The following VPS53 variants were observed in gnomAD, a reference collection of about 807,000 sequenced individuals.
The protein encoded by VPS53 is VPS53 subunit of GARP complex, also known as vacuolar protein sorting-associated protein 53 homolog.
Under a neutral mutation model 107.0 loss-of-function variants are expected in VPS53, and 70 were observed. That is an observed-to-expected ratio of 0.65 (90% CI 0.54 to 0.80). VPS53 has a LOEUF of 0.80. Among genes scored for constraint, VPS53 ranks in the 30% least tolerant of loss-of-function variants. The probability of loss-of-function intolerance (pLI) is 0.00; values close to 1 mark genes in which losing one functional copy is unlikely to be tolerated. For missense variants in VPS53, 917 were observed against 1,049.4 expected (o/e 0.87, Z 1.74); for synonymous variants, 409 against 393.3 (o/e 1.04, Z -0.47).
intron 3 of VPS53, 35 bp downstream of exon 3, chr17:699,296 T>A: frequency 2.0e-6 from 3 of 1,479,848 alleles, no homozygotes; most frequent in Non-Finnish European, 2.7e-6. Flanking sequence ...AATATACTTT[T>A]CATTAATTAT....
chr17:511,928 C>T lies in VPS53; in HGVS notation c.*7200G>A, dbSNP rs1289766372. 6.6e-6 allele frequency: 1 copy of T among 152,194 alleles called. No homozygotes were observed. Among genetic ancestry groups the T allele is most frequent in the Non-Finnish European group, 1.5e-5 (1 of 68,050 alleles). The allele number at this position is 152,194 out of a possible 1,614,324, so 9.4% of individuals were successfully genotyped here. ...GCAATTCGCATTCACAGGAGACATG[C>T]CCTATTTTCCACAACAGGCAGCCTC... On this transcript the variant is annotated 3_prime_UTR_variant, in exon 22 of 22. Transcript: ENST00000437048.
intron 19 of VPS53, among the ~76,000 whole-genome samples, chr17:530,784 A>G (rs539323330): frequency 1.8e-4 from 28 of 152,328 alleles, no homozygotes; most frequent in African/African-American, 6.3e-4. Context: ...AGCATGATCA[A>G]TATTGGTGTG....
chr17:698,364 T>G lies in VPS53; in HGVS notation c.219-880A>C, dbSNP rs1286718955. Among the ~76,000 whole-genome samples the G allele has an allele frequency of 3.5e-5, 5 of 144,482 alleles. No homozygotes were observed. The East Asian group carries it at 6.0e-4, about 17-fold the overall frequency. The allele number at this position is 144,482 out of a possible 152,430, so 94.8% of individuals were successfully genotyped here. ...TCAAGAATTGCTCGAACCTGGGAGG[T>G]GGAGATTACAGTAAGCCAAGATCAC... On this transcript the variant is annotated intron_variant, in intron 3 of 21. Coordinates refer to ENST00000437048, the MANE Select transcript of VPS53 (RefSeq NM_001128159.3).
At chr17:694,587 T>A (rs1365935128) in intron 4 of VPS53, among the ~76,000 whole-genome samples, 2 of 152,232 alleles carry the variant, frequency 1.3e-5, no homozygotes, top group Non-Finnish European at 2.9e-5. Context: ...AGTGTTACTA[T>A]TCCCAGTAGC....
chr17:707,170 T>A (rs894316877), intron 2 of VPS53, among the ~76,000 whole-genome samples: 1 of 152,096 alleles, frequency 6.6e-6, no homozygotes, highest in African/African-American at 2.4e-5. Context: ...TTAAAATTGG[T>A]ACTCACATAT....
Position 519,979 on chromosome 17 carries a change from C to A in VPS53, c.2224-49G>T, listed in dbSNP as rs552991891. The stretch of plus-strand genomic sequence containing the variant: ...AAGCCCCTCAGGAAAACTACCACCA[C>A]GGGAGGAGACAGGAGCGGGCCCTCA... On this transcript the variant is annotated intron_variant, in intron 20 of 21. Coordinates refer to ENST00000437048, the MANE Select transcript of VPS53 (RefSeq NM_001128159.3). This position sits in a 1 kb window ranked among gnomAD's most constrained non-coding sequence, Gnocchi z 5.0. The A allele has an allele frequency of 7.5e-7, 1 of 1,341,292 alleles. No homozygotes were observed. The highest frequency in any genetic ancestry group is 1.5e-5 in the African/African-American group (1 of 68,922). The allele number at this position is 1,341,292 out of a possible 1,614,324, so 83.1% of individuals were successfully genotyped here.
chr17:706,267 G>A (rs1456737386), intron 2 of VPS53, among the ~76,000 whole-genome samples: 3 of 152,006 alleles, frequency 2.0e-5, no homozygotes, highest in Non-Finnish European at 2.9e-5. Flanking sequence ...GGCCAGGCGT[G>A]GTGGCTCACG....
At position 585,161 on chromosome 17, in the gene VPS53, C is replaced by T. The variant is rs539794037; in HGVS notation, c.1313+1109G>A. Among the ~76,000 whole-genome samples, 10 of 152,274 alleles carry T rather than the reference C, an allele frequency of 6.6e-5. No individual in the cohort carries two copies. The South Asian group carries it at 2.1e-3, about 32-fold the overall frequency. On this transcript the variant is annotated intron_variant, in intron 13 of 21. Coordinates refer to ENST00000437048, the MANE Select transcript of VPS53 (RefSeq NM_001128159.3). ...TCACATTGAAGACAGTTGGCAGGTACCACCTAAAGCAAGTAATCGAAGTCC... is the reference window on the plus strand; with the variant it reads ...TCACATTGAAGACAGTTGGCAGGTATCACCTAAAGCAAGTAATCGAAGTCC...
chr17:652,610 G>C (rs1455662949), intron 7 of VPS53, among the ~76,000 whole-genome samples: 1 of 152,230 alleles, frequency 6.6e-6, no homozygotes, highest in East Asian at 1.9e-4. Context: ...CAAGGAGCCA[G>C]CCATGAGAGT....
Position 532,873 on chromosome 17 carries a change from C to T in VPS53, c.2054G>A (p.Cys685Tyr). 2.5e-6 allele frequency: 4 copies of T among 1,614,062 alleles called. No homozygotes were observed. The highest frequency in any genetic ancestry group is 3.4e-6 in the Non-Finnish European group (4 of 1,179,986). ...TGCTCCCACCATGCTAATTGGCTTG[C>T]ACTTGAAGAGGTGGGTGATGAATTT... ...IPKFITHLFK[C>Y]KPISMVGAEQ... The change falls in exon 19 of 22, where the codon TGC (cysteine) becomes TAC (tyrosine). Residue 685 changes from cysteine (C) to tyrosine (Y), a missense_variant. Coordinates refer to ENST00000437048, the MANE Select transcript of VPS53 (RefSeq NM_001128159.3).
intron 7 of VPS53, among the ~76,000 whole-genome samples, chr17:652,943 T>A (rs1427693656): frequency 6.6e-6 from 1 of 152,208 alleles, no homozygotes; most frequent in Non-Finnish European, 1.5e-5. Context: ...CTTCACACAC[T>A]AAGACTCTGC....
At position 508,999 on chromosome 17, in the gene VPS53, A is replaced by G. The variant is rs989432504; in HGVS notation, c.*10129T>C. ...GTAAAATTTTGTCCCATAAATTTGA[A>G]AACTGCTGGTGAAGTACAAAAGGCA... is the stretch of plus-strand genomic sequence containing the variant. On this transcript the variant is annotated 3_prime_UTR_variant, in exon 22 of 22. Transcript: ENST00000437048. 2.0e-5 allele frequency: 3 copies of G among 152,186 alleles called. No homozygotes were observed. The highest frequency in any genetic ancestry group is 1.9e-4 in the East Asian group (1 of 5,196). The allele number at this position is 152,186 out of a possible 1,614,324, so 9.4% of individuals were successfully genotyped here. A position where few individuals can be genotyped will look rare whatever the true frequency, so the allele number is the denominator to read the frequency against.
At position 714,807 on chromosome 17, in the gene VPS53, CCTGGTGAG is replaced by C. The variant is rs1973791793; in HGVS notation, c.-106_-99del. Reference sequence around the variant, plus strand: ...CACAGCAACTCCCTCGCGGCAGCGACCTGGTGAGCCCGGCTCCGTCAGCCGCTCTGTCA... The same window carrying C: ...CACAGCAACTCCCTCGCGGCAGCGACCCCGGCTCCGTCAGCCGCTCTGTCA... On this transcript the variant is annotated 5_prime_UTR_variant, in exon 1 of 22. Coordinates refer to ENST00000437048, the MANE Select transcript of VPS53 (RefSeq NM_001128159.3). 2.2e-6 allele frequency: 3 copies of C among 1,354,080 alleles called. No homozygotes were observed. In the East Asian group the frequency reaches 6.9e-5, roughly 31 times the overall value. The allele number at this position is 1,354,080 out of a possible 1,614,324, so 83.9% of individuals were successfully genotyped here. A position where few individuals can be genotyped will look rare whatever the true frequency, so the allele number is the denominator to read the frequency against.
intron 2 of VPS53, among the ~76,000 whole-genome samples, chr17:703,063 C>G (rs1190685888): frequency 6.6e-6 from 1 of 152,080 alleles, no homozygotes; most frequent in East Asian, 1.9e-4. Flanking sequence ...CAAAAAACTA[C>G]CTGGGCTTGC....
intron 7 of VPS53, 32 bp downstream of exon 7, chr17:653,259 C>T: frequency 1.9e-6 from 3 of 1,600,812 alleles, no homozygotes; most frequent in South Asian, 2.3e-5. Flanking sequence ...TCTGCGGAAT[C>T]CCCATATACT....
intron 4 of VPS53, among the ~76,000 whole-genome samples, chr17:677,739 TAAA>T (rs369443528): frequency 0.016 from 2,366 of 152,160 alleles, 24 homozygotes; most frequent in Middle Eastern, 0.031. Context: ...TATAGCCATA[TAAA>T]AAATTGAAAA....
chr17:619,667 T>C (rs12950753), intron 11 of VPS53, among the ~76,000 whole-genome samples: 3 of 48,172 alleles, frequency 6.2e-5, no homozygotes, highest in Admixed American at 5.1e-4. Context: ...ACTACAGGCG[T>C]GCACCACCAC....
intron 4 of VPS53, among the ~76,000 whole-genome samples, chr17:669,836 G>A (rs572926695): frequency 6.6e-6 from 1 of 151,430 alleles, no homozygotes; most frequent in Admixed American, 6.6e-5. Flanking sequence ...AGGTTGCAGT[G>A]AGCTGAGATG....
intron 10 of VPS53, 43 bp downstream of exon 10, chr17:627,131 A>G: frequency 6.3e-7 from 1 of 1,585,364 alleles, no homozygotes; most frequent in African/African-American, 1.4e-5. Context: ...ACCGATGGTG[A>G]AAATTTGATT....
Sources: allele counts gnomAD v4.1 joint callset (sites outside exome capture counted in the v4.1 genomes callset), GRCh38; gene constraint gnomAD v4.1.1; non-coding constraint Gnocchi (gnomAD v3.1); transcripts MANE v1.5; gene names NCBI Gene and HGNC (gene_info 2026-07-23, HGNC 2026-07-21).